SCFD2: variants seen among roughly 807,000 people sequenced by gnomAD.
The protein encoded by SCFD2 is sec1 family domain containing 2.
Under a neutral mutation model 58.9 loss-of-function variants are expected in SCFD2, and 54 were observed. The observed-to-expected ratio is 0.92, with a 90% CI of 0.74 to 1.15. The LOEUF is 1.15. SCFD2 is among the 50% of genes most tolerant of loss of function. The pLI, the probability that SCFD2 is intolerant of heterozygous loss-of-function variation, is 0.00. For missense variants in SCFD2, 805 were observed against 836.6 expected (o/e 0.96, Z 0.47); for synonymous variants, 321 against 335.9 (o/e 0.96, Z 0.49).
chr4:52,949,357 G>T (rs1447519843), intron 5 of SCFD2: 2 of 152,246 alleles, frequency 1.3e-5, no homozygotes, highest in African/African-American at 4.8e-5. Flanking sequence ...AGTGTGGTTG[G>T]GGTGTACAGC....
intron 4 of SCFD2, among the ~76,000 whole-genome samples, chr4:53,239,829 G>C (rs144039496): frequency 6.6e-6 from 1 of 152,092 alleles, no homozygotes; most frequent in Admixed American, 6.5e-5. Flanking sequence ...ATAGACCCAA[G>C]CTAAATTAAG....
intron 5 of SCFD2, chr4:52,948,485 T>G (rs1450938207): frequency 2.2e-6 from 1 of 456,432 alleles, no homozygotes; most frequent in Non-Finnish European, 4.4e-6. Context: ...ACAGTGACCT[T>G]CAGGTTATCT....
intron 5 of SCFD2, among the ~76,000 whole-genome samples, chr4:53,005,102 T>A (rs1239224494): frequency 6.6e-6 from 1 of 152,090 alleles, no homozygotes; most frequent in Non-Finnish European, 1.5e-5. Flanking sequence ...TTCACTATGT[T>A]AGCCAGGCTG....
At chr4:53,305,862 T>A (rs1732498034) in intron 3 of SCFD2, among the ~76,000 whole-genome samples, 3 of 152,226 alleles carry the variant, frequency 2.0e-5, no homozygotes, top group Non-Finnish European at 4.4e-5. Flanking sequence ...TAAATCAGTG[T>A]CACTCTTGGA....
intron 5 of SCFD2, among the ~76,000 whole-genome samples, chr4:53,008,149 G>A (rs1722020025): frequency 6.6e-6 from 1 of 152,238 alleles, no homozygotes; most frequent in African/African-American, 2.4e-5. Context: ...TAGTAGTCCA[G>A]GGTCATGCGT....
At chr4:53,117,592 C>T (rs1257115645) in intron 5 of SCFD2, among the ~76,000 whole-genome samples, 5 of 152,198 alleles carry the variant, frequency 3.3e-5, no homozygotes, top group Admixed American at 1.3e-4. Flanking sequence ...TCCTTCCCAT[C>T]CCACCATCCA....
intron 3 of SCFD2, among the ~76,000 whole-genome samples, chr4:53,311,697 G>T (rs1244234546): frequency 2.0e-5 from 3 of 151,252 alleles, no homozygotes; most frequent in African/African-American, 7.3e-5. Flanking sequence ...GTGCAGTGGC[G>T]CAATCTCAGC....
chr4:53,119,751 A>G (rs960377578), intron 5 of SCFD2, among the ~76,000 whole-genome samples: 5 of 152,166 alleles, frequency 3.3e-5, no homozygotes, highest in African/African-American at 1.2e-4. Flanking sequence ...AAACAGATAA[A>G]TTGAGGTATT....
At chr4:52,982,552 CT>C (rs1410664083) in intron 5 of SCFD2, among the ~76,000 whole-genome samples, 1 of 152,136 alleles carries the variant, frequency 6.6e-6, no homozygotes, top group Non-Finnish European at 1.5e-5. Context: ...TTATAATAAA[CT>C]ACTTATCAGT....
chr4:53,198,839 T>C (rs763885225), intron 4 of SCFD2, among the ~76,000 whole-genome samples: 6 of 152,116 alleles, frequency 3.9e-5, no homozygotes, highest in Non-Finnish European at 8.8e-5. Flanking sequence ...ACTGTGCCTA[T>C]AATTACCATC....
chr4:53,163,616 G>A (rs151293187), intron 4 of SCFD2, among the ~76,000 whole-genome samples: 92 of 152,208 alleles, frequency 6.0e-4, no homozygotes, highest in African/African-American at 2.0e-3. Context: ...ACCTGTAATC[G>A]CAGCTACTCA....
intron 4 of SCFD2, among the ~76,000 whole-genome samples, chr4:53,158,198 G>C (rs868559264): frequency 2.0e-5 from 3 of 152,094 alleles, no homozygotes; most frequent in Admixed American, 6.5e-5. Flanking sequence ...ACTATTTCTA[G>C]ACTGCAGTGT....
At chr4:53,167,200 TCA>T (rs1398521327) in intron 4 of SCFD2, among the ~76,000 whole-genome samples, 1 of 152,218 alleles carries the variant, frequency 6.6e-6, no homozygotes, top group Non-Finnish European at 1.5e-5. Context: ...ATCCTCAGCA[TCA>T]CAGACACAGA....
At position 53,256,660 on chromosome 4, in the gene SCFD2, C is replaced by T. The variant is rs182360978; in HGVS notation, c.1311+17166G>A. ...GAGGCCGAGGCTGGCGGATCACTCG[C>T]GATTAGGAGCTGGAGACCAGCCTGG... On this transcript the variant is annotated intron_variant, in intron 4 of 8. Coordinates refer to ENST00000401642, the MANE Select transcript of SCFD2 (RefSeq NM_152540.4). Among the ~76,000 whole-genome samples the T allele has an allele frequency of 4.6e-3, 704 of 151,938 alleles. 25 individuals carry two copies. Among genetic ancestry groups the T allele is most frequent in the Admixed American group, 0.039 (589 of 15,272 alleles).
chr4:53,342,018 G>C (rs1362583686), intron 2 of SCFD2, among the ~76,000 whole-genome samples: 1 of 152,134 alleles, frequency 6.6e-6, no homozygotes, highest in African/African-American at 2.4e-5. Context: ...AAATTGCAAA[G>C]ACCATCGACA....
At chr4:52,978,726 T>G (rs545213744) in intron 5 of SCFD2, among the ~76,000 whole-genome samples, 1 of 151,934 alleles carries the variant, frequency 6.6e-6, no homozygotes, top group Non-Finnish European at 1.5e-5. Context: ...ACCTGTGACA[T>G]TGATCTTAGG....
chr4:53,047,136 CATTCTCAAAAGTGTGAAATCCCA>C (rs1207864000), intron 5 of SCFD2, among the ~76,000 whole-genome samples: 3 of 152,296 alleles, frequency 2.0e-5, no homozygotes, highest in African/African-American at 7.2e-5. Context: ...GCTCCCCTGC[CATTCTCAAAAGTGTGAAATCCCA>C]ATTCTCACTG....
At chr4:53,336,308 AAAGT>A (rs1338350917) in intron 2 of SCFD2, among the ~76,000 whole-genome samples, 1 of 152,204 alleles carries the variant, frequency 6.6e-6, no homozygotes, top group African/African-American at 2.4e-5. Flanking sequence ...ATAGAAAAAG[AAAGT>A]GATATTATTC....
intron 4 of SCFD2, among the ~76,000 whole-genome samples, chr4:53,244,781 A>G (rs1294381036): frequency 1.3e-5 from 2 of 151,352 alleles, no homozygotes; most frequent in Non-Finnish European, 2.9e-5. Context: ...GTGAAAAACC[A>G]TTCAAAAGAT....
Sources: gnomAD v4.1 joint callset for allele counts (sites outside exome capture counted in the v4.1 genomes callset) on GRCh38, gnomAD v4.1.1 for gene constraint, MANE v1.5 for transcripts, NCBI Gene and HGNC (gene_info 2026-07-23, HGNC 2026-07-21) for gene names.